The following INTS4 variants were observed in gnomAD, a reference collection of about 807,000 sequenced individuals.
INTS4 encodes the protein integrator complex subunit 4.
Under a neutral mutation model 119.5 loss-of-function variants are expected in INTS4, and 70 were observed. That is an observed-to-expected ratio of 0.59 (90% CI 0.48 to 0.71). The LOEUF (loss-of-function observed/expected upper bound fraction) is 0.71, where lower values mean the gene tolerates loss of function less well. Among genes scored for constraint, INTS4 ranks in the 30% least tolerant of loss-of-function variants. The pLI is 0.00. For missense variants in INTS4, 867 were observed against 1,173.2 expected, an observed-to-expected ratio of 0.74 and a Z score of 3.81; for synonymous variants, 316 against 419.6, an observed-to-expected ratio of 0.75 and a Z score of 3.02.
chr11:77,994,001 T>G (rs577325356), intron 1 of INTS4, among the ~76,000 whole-genome samples: 1 of 152,182 alleles, frequency 6.6e-6, no homozygotes, highest in African/African-American at 2.4e-5. Context: ...TGTCACAACT[T>G]CATGGTGAGG....
chr11:77,924,463 T>C (rs1216820871), intron 12 of INTS4: 1 of 282,808 alleles, frequency 3.5e-6, no homozygotes, highest in East Asian at 6.8e-5. Context: ...ATTAATTTAT[T>C]TCTATACTTG....
In INTS4 at chr11:77,958,784, G is replaced by C. The variant is rs1397574257; in HGVS notation, c.759C>G (p.Val253=). ...DDYEQVRSAA[V]QLIWVVSQLY... is the part of the protein sequence containing the mutation. ...GCTGACTGACGACCCAGATAAGCTG[G>C]ACTGCAGCACTGCGCACTTGTTCAT... The change falls in exon 7 of 23, where the codon GTC becomes GTG. Residue 253 remains valine (V), a synonymous_variant. Transcript: ENST00000534064. 5 of 1,611,150 alleles carry C rather than the reference G, an allele frequency of 3.1e-6. No homozygotes were observed. In the South Asian group the frequency reaches 5.5e-5, roughly 18 times the overall value.
intron 14 of INTS4, among the ~76,000 whole-genome samples, chr11:77,919,773 G>A (rs1953294501): frequency 6.6e-6 from 1 of 152,104 alleles, no homozygotes; most frequent in Non-Finnish European, 1.5e-5. Context: ...GGGGAGGAGA[G>A]AGCAAAGAGT....
intron 2 of INTS4, 78 bp from the exon 3 acceptor site, chr11:77,981,654 T>C: frequency 1.6e-6 from 1 of 613,700 alleles, no homozygotes; most frequent in Non-Finnish European, 2.7e-6. Flanking sequence ...AAAACTAACA[T>C]CCCAAAAGAG....
intron 4 of INTS4, 106 bp from the exon 5 acceptor site, chr11:77,961,244 C>A (rs1954468903): frequency 2.2e-6 from 3 of 1,358,680 alleles, no homozygotes; most frequent in African/African-American, 3.0e-5. Context: ...ATTGCAGCAA[C>A]CTTAGGGGTG....
intron 10 of INTS4, among the ~76,000 whole-genome samples, chr11:77,932,158 C>G (rs899588541): frequency 7.9e-5 from 12 of 152,132 alleles, no homozygotes; most frequent in African/African-American, 2.7e-4. Flanking sequence ...AGGCAACCTA[C>G]AGAATGGGAG....
At chr11:77,892,326 G>T (rs1051109051) in intron 19 of INTS4, among the ~76,000 whole-genome samples, 2 of 152,092 alleles carry the variant, frequency 1.3e-5, no homozygotes, top group African/African-American at 2.4e-5. Context: ...AGTTAAGTAC[G>T]TTACTCCTGG....
At chr11:77,928,013 A>G (rs1953551182) in intron 11 of INTS4, among the ~76,000 whole-genome samples, 3 of 152,180 alleles carry the variant, frequency 2.0e-5, no homozygotes, top group Admixed American at 1.3e-4. Context: ...TCAAAAGAAG[A>G]AGGCAAAAAA....
In INTS4 at chr11:77,905,752, A is replaced by G. The variant is rs140713812; in HGVS notation, c.2016+1965T>C. 1.2e-4 allele frequency among the ~76,000 whole-genome samples: 19 copies of G among 152,376 alleles called. No homozygotes were observed. In the East Asian group the frequency reaches 3.7e-3, roughly 29 times the overall value. ...CAAAAGACTTGAGGTTGTTGGGCACAGTATTTCAGATGACCACAGTTAAAA... is the reference window on the plus strand; with the variant it reads ...CAAAAGACTTGAGGTTGTTGGGCACGGTATTTCAGATGACCACAGTTAAAA... On this transcript the variant is annotated intron_variant, in intron 16 of 22. Coordinates refer to ENST00000534064, the MANE Select transcript of INTS4 (RefSeq NM_033547.4).
chr11:77,929,477 T>C (rs1395976997), intron 10 of INTS4, among the ~76,000 whole-genome samples: 2 of 152,234 alleles, frequency 1.3e-5, no homozygotes, highest in Admixed American at 6.5e-5. Flanking sequence ...TATCTCAGTA[T>C]TCTGACCACA....
At chr11:77,993,476 G>A (rs1285110330) in intron 1 of INTS4, among the ~76,000 whole-genome samples, 1 of 152,184 alleles carries the variant, frequency 6.6e-6, no homozygotes, top group African/African-American at 2.4e-5. Context: ...CTGGTCATGT[G>A]AGGATGGGTG....
intron 21 of INTS4, chr11:77,884,732 T>TC: frequency 3.0e-6 from 1 of 334,616 alleles, no homozygotes. Context: ...TCATGGGGCC[T>TC]CCCCCTGATT....
chr11:77,979,249 T>A, intron 3 of INTS4, 147 bp from the exon 4 acceptor site: 2 of 510,918 alleles, frequency 3.9e-6, no homozygotes, highest in Non-Finnish European at 7.3e-6. Flanking sequence ...GGCAGGAGAA[T>A]CCCTTGAGCC....
At chr11:77,928,187 C>T (rs1379236035) in intron 11 of INTS4, among the ~76,000 whole-genome samples, 155 bp downstream of exon 11, 1 of 152,188 alleles carries the variant, frequency 6.6e-6, no homozygotes, top group Non-Finnish European at 1.5e-5. Flanking sequence ...TCCTGTTTCA[C>T]AGTCAATTTC....
intron 15 of INTS4, among the ~76,000 whole-genome samples, chr11:77,916,376 T>C (rs1379429137): frequency 1.3e-5 from 2 of 152,246 alleles, no homozygotes; most frequent in African/African-American, 2.4e-5. Flanking sequence ...AGCATGTTAC[T>C]GTACTAAAGA....
chr11:77,917,194 A>G (rs1953223301), intron 15 of INTS4, among the ~76,000 whole-genome samples: 1 of 152,220 alleles, frequency 6.6e-6, no homozygotes, highest in Admixed American at 6.5e-5. Flanking sequence ...TTCTTAGTGT[A>G]TGGAATGAAA....
rs1952825173 is a variant in INTS4 at position 77,903,047 on chromosome 11, G to C, written c.2097+493C>G. ...AGCCTCCCAAAGTGCTGGGATTACA[G>C]GTGTGAGCCACCGCGCCCGGCCCAA... On this transcript the variant is annotated intron_variant, in intron 17 of 22. Transcript: ENST00000534064. Among the ~76,000 whole-genome samples the C allele has an allele frequency of 2.0e-5, 3 of 152,184 alleles. No individual in the cohort carries two copies. The South Asian group carries it at 6.2e-4, about 32-fold the overall frequency.
intron 4 of INTS4, among the ~76,000 whole-genome samples, chr11:77,961,857 C>T (rs1346701443): frequency 1.3e-5 from 2 of 152,178 alleles, no homozygotes; most frequent in Non-Finnish European, 2.9e-5. Flanking sequence ...TCTATTTAGC[C>T]TTTCCGTTGA....
rs140409215 is a variant in INTS4 at position 77,878,971 on chromosome 11, A to G, written c.2870T>C (p.Met957Thr). ...GCCTTAGCGCCGTGCAGGTTTGGGC[A>G]TTATATAAACTTTTACAGGCTTGCT... The part of the protein sequence containing the change: ...PFSKPVKVYI[M>T]PKPARR Residue 957 changes from methionine to threonine, a missense_variant, in exon 23 of 23, where the codon ATG becomes ACG. Met to Thr is a moderately conservative substitution (Grantham distance 81). Around this residue, in one of 5 missense-constraint regions of INTS4, gnomAD observed 122 missense variants for 133.2 expected, o/e 0.92. Transcript: ENST00000534064. 1.9e-6 allele frequency: 3 copies of G among 1,613,954 alleles called. No individual in the cohort carries two copies. The African/African-American group carries it at 4.0e-5, about 22-fold the overall frequency.
Sources: allele counts gnomAD v4.1 joint callset (sites outside exome capture counted in the v4.1 genomes callset), GRCh38; gene constraint gnomAD v4.1.1; regional missense constraint gnomAD v4.1.1; transcripts MANE v1.5; gene names NCBI Gene and HGNC (gene_info 2026-07-23, HGNC 2026-07-21).